Variants in DOCK3 observed in about 807,000 individuals in gnomAD.
DOCK3 encodes dedicator of cytokinesis protein 3.
In DOCK3, 60 loss-of-function variants were observed where a neutral mutation model predicts 265.6. That is an observed-to-expected ratio of 0.23 (90% CI 0.18 to 0.28). The LOEUF (loss-of-function observed/expected upper bound fraction) is 0.28, where lower values mean the gene tolerates loss of function less well. Ranked by LOEUF, DOCK3 falls within the 10% of genes least tolerant of loss-of-function variation. The probability of loss-of-function intolerance (pLI) is 1.00; values close to 1 mark genes in which losing one functional copy is unlikely to be tolerated. For missense variants in DOCK3, 1,981 were observed against 2,594.3 expected, an observed-to-expected ratio of 0.76 and a Z score of 5.14; for synonymous variants, 881 against 938.0, an observed-to-expected ratio of 0.94 and a Z score of 1.11.
At chr3:50,815,114 C>T (rs1033473460) in intron 2 of DOCK3, among the ~76,000 whole-genome samples, 11 of 152,110 alleles carry the variant, frequency 7.2e-5, no homozygotes, top group South Asian at 2.1e-4. Flanking sequence ...TGAGCCACCG[C>T]GCCCAGCCTC....
intron 5 of DOCK3, among the ~76,000 whole-genome samples, chr3:50,983,918 G>A (rs1201995452): frequency 6.6e-6 from 1 of 152,134 alleles, no homozygotes; most frequent in East Asian, 1.9e-4. Flanking sequence ...TCCTGTTCTT[G>A]GTGTCTCCAG....
At chr3:50,876,814 A>C (rs995551056) in intron 3 of DOCK3, 1 of 152,896 alleles carries the variant, frequency 6.5e-6, no homozygotes, top group Non-Finnish European at 1.5e-5. Context: ...GATCACTGTA[A>C]CTTCTGTTTC....
chr3:50,863,254 C>T (rs139769485), intron 3 of DOCK3, among the ~76,000 whole-genome samples: 212 of 152,190 alleles, frequency 1.4e-3, no homozygotes, highest in African/African-American at 4.9e-3. Flanking sequence ...GCAGAGAGTC[C>T]TTGGGCATGG....
At chr3:50,764,121 A>G (rs530628422) in intron 1 of DOCK3, among the ~76,000 whole-genome samples, 4 of 152,174 alleles carry the variant, frequency 2.6e-5, no homozygotes, top group South Asian at 4.1e-4. Context: ...GAGATGTTGT[A>G]TTACATTTTT....
chr3:50,853,511 A>G (rs567009284), intron 3 of DOCK3, among the ~76,000 whole-genome samples: 2 of 151,884 alleles, frequency 1.3e-5, no homozygotes, highest in Admixed American at 1.3e-4. Context: ...TTCCATCTTC[A>G]TGTTACGTGT....
intron 9 of DOCK3, among the ~76,000 whole-genome samples, chr3:51,136,380 C>T (rs1032672068): frequency 6.6e-6 from 1 of 152,072 alleles, no homozygotes; most frequent in African/African-American, 2.4e-5. Context: ...GCACCCACCA[C>T]CACACCCGGC....
chr3:51,377,615 T>G (rs2088245799), intron 51 of DOCK3, among the ~76,000 whole-genome samples: 1 of 152,216 alleles, frequency 6.6e-6, no homozygotes, highest in Admixed American at 6.5e-5. Context: ...TGTATTAGCC[T>G]TCCCTCTAGC....
intron 5 of DOCK3, among the ~76,000 whole-genome samples, chr3:51,010,505 G>A (rs1007447560): frequency 3.9e-5 from 6 of 151,930 alleles, no homozygotes; most frequent in African/African-American, 1.5e-4. Context: ...TTTTGAGCCT[G>A]TGTGTGTCCC....
At chr3:50,928,845 G>C (rs940450432) in intron 4 of DOCK3, among the ~76,000 whole-genome samples, 11 of 152,204 alleles carry the variant, frequency 7.2e-5, no homozygotes, top group African/African-American at 2.7e-4. Flanking sequence ...GCATTCAGTA[G>C]AAACCATACT....
At chr3:51,242,644 A>C (rs9878100) in intron 21 of DOCK3, among the ~76,000 whole-genome samples, 2 of 151,820 alleles carry the variant, frequency 1.3e-5, no homozygotes, top group Non-Finnish European at 2.9e-5. Flanking sequence ...AAGCAGAAGT[A>C]GTCACTCAGG....
rs931393420 is a variant in DOCK3, at chr3:51,217,463, A to T, written c.1252+3216A>T. 4.6e-5 allele frequency among the ~76,000 whole-genome samples: 7 copies of T among 152,200 alleles called. No homozygotes were observed. The East Asian group carries it at 1.3e-3, about 29-fold the overall frequency. ...CTGCTGGTGTTCTGGGAGCCAAACC[A>T]GGAAGTACCATCTTAGATTATAGAA... is the stretch of plus-strand genomic sequence containing the variant. On this transcript the variant is annotated intron_variant, in intron 14 of 52. Transcript: ENST00000266037.
chr3:51,366,065 C>G (rs1388069021), intron 49 of DOCK3, among the ~76,000 whole-genome samples: 1 of 152,180 alleles, frequency 6.6e-6, no homozygotes, highest in Non-Finnish European at 1.5e-5. Flanking sequence ...AGGAATGGTA[C>G]CAGCTCCTCT....
intron 27 of DOCK3, among the ~76,000 whole-genome samples, chr3:51,309,023 A>G (rs2082889308): frequency 7.0e-6 from 1 of 143,440 alleles, no homozygotes; most frequent in Non-Finnish European, 1.5e-5. Flanking sequence ...ATCTCAGACG[A>G]TGGGTGGCCG....
intron 3 of DOCK3, among the ~76,000 whole-genome samples, chr3:50,884,758 G>C (rs1390342084): frequency 1.3e-5 from 2 of 150,842 alleles, no homozygotes; most frequent in Admixed American, 1.3e-4. Flanking sequence ...TTTTTTTAAA[G>C]AGTTTTAGGT....
intron 1 of DOCK3, among the ~76,000 whole-genome samples, chr3:50,751,169 A>G (rs1380833747): frequency 6.6e-6 from 1 of 152,184 alleles, no homozygotes; most frequent in Non-Finnish European, 1.5e-5. Context: ...TAATAGGTCT[A>G]CTTGGATTAA....
chr3:51,281,006 G>C (rs753352042), intron 27 of DOCK3, among the ~76,000 whole-genome samples: 11 of 152,170 alleles, frequency 7.2e-5, no homozygotes, highest in Middle Eastern at 3.4e-3. Context: ...TGATTCTCCA[G>C]AATCATTCCT....
At chr3:50,870,902 C>T (rs2047401789) in intron 3 of DOCK3, among the ~76,000 whole-genome samples, 1 of 152,038 alleles carries the variant, frequency 6.6e-6, no homozygotes, top group African/African-American at 2.4e-5. Flanking sequence ...AAAAACTTCA[C>T]TTTAATTCCC....
chr3:50,717,665 C>T (rs769291125), intron 1 of DOCK3, among the ~76,000 whole-genome samples: 3 of 152,184 alleles, frequency 2.0e-5, no homozygotes, highest in Admixed American at 1.3e-4. Context: ...CTCTGTTCCT[C>T]AAGCTGGAGT....
At chr3:50,882,945 G>T (rs1409716704) in intron 3 of DOCK3, among the ~76,000 whole-genome samples, 2 of 152,134 alleles carry the variant, frequency 1.3e-5, no homozygotes, top group Admixed American at 1.3e-4. Context: ...CCATGAAAAA[G>T]GATGAGTTCA....
Sources: gnomAD v4.1 joint callset for allele counts (sites outside exome capture counted in the v4.1 genomes callset) on GRCh38, gnomAD v4.1.1 for gene constraint, MANE v1.5 for transcripts, NCBI Gene and HGNC (gene_info 2026-07-23, HGNC 2026-07-21) for gene names.